Variants in DOK6 observed in about 807,000 individuals in gnomAD.
The protein encoded by DOK6 is downstream of tyrosine kinase 6.
DOK6 carries 22 observed loss-of-function variants against 44.0 expected under a neutral mutation model. The observed-to-expected ratio is 0.50, with a 90% CI of 0.36 to 0.71. DOK6 has a LOEUF of 0.71. DOK6 is among the 30% of genes least tolerant of loss of function. The pLI is 0.00. For synonymous variants in DOK6, 166 were observed against 145.5 expected, an observed-to-expected ratio of 1.14 and a Z score of -1.01; for missense variants, 340 against 416.4, an observed-to-expected ratio of 0.82 and a Z score of 1.60.
At chr18:69,792,616 A>G (rs1020153153) in intron 7 of DOK6, among the ~76,000 whole-genome samples, 1 of 152,100 alleles carries the variant, frequency 6.6e-6, no homozygotes, top group East Asian at 1.9e-4. Context: ...ATATTAGATT[A>G]TATCATCTGC....
At chr18:69,510,601 T>C (rs144696496) in intron 1 of DOK6, among the ~76,000 whole-genome samples, 88 of 152,322 alleles carry the variant, frequency 5.8e-4, no homozygotes, top group Non-Finnish European at 1.1e-3. Flanking sequence ...CATTGTGTCA[T>C]GTCCAAAATG....
rs1298212644 is a variant in DOK6 at position 69,844,559 on chromosome 18, A to C, written c.*3176A>C. 2 of 152,066 alleles carry C rather than the reference A, an allele frequency of 1.3e-5. No homozygotes were observed. Among genetic ancestry groups the C allele is most frequent in the Admixed American group, 6.6e-5 (1 of 15,248 alleles). The allele number at this position is 152,066 out of a possible 1,614,324, so 9.4% of individuals were successfully genotyped here. A position where few individuals can be genotyped will look rare whatever the true frequency, so the allele number is the denominator to read the frequency against. ...AACAACCTTGATCCAATAGTTTCCTATTCTGGGGGGTGGGGGCAGAGGCGG... is the reference window on the plus strand; with the variant it reads ...AACAACCTTGATCCAATAGTTTCCTCTTCTGGGGGGTGGGGGCAGAGGCGG... On this transcript the variant is annotated 3_prime_UTR_variant, in exon 8 of 8. Coordinates refer to ENST00000382713, the MANE Select transcript of DOK6 (RefSeq NM_152721.6).
intron 4 of DOK6, among the ~76,000 whole-genome samples, chr18:69,690,075 A>G (rs147600219): frequency 3.0e-4 from 46 of 152,254 alleles, no homozygotes; most frequent in African/African-American, 9.6e-4. Flanking sequence ...ATAATTTTCC[A>G]TATTTGCTGC....
chr18:69,442,877 G>C (rs777299991), intron 1 of DOK6, among the ~76,000 whole-genome samples: 4 of 152,112 alleles, frequency 2.6e-5, no homozygotes, highest in Admixed American at 6.5e-5. Context: ...TTACTGGGAG[G>C]TGCATAAGAT....
chr18:69,667,292 T>A (rs954531877), intron 3 of DOK6, among the ~76,000 whole-genome samples: 2 of 152,192 alleles, frequency 1.3e-5, no homozygotes, highest in African/African-American at 2.4e-5. Flanking sequence ...GATATTTCTC[T>A]TCTTGACCTA....
At chr18:69,786,598 A>G (rs117930868) in intron 7 of DOK6, among the ~76,000 whole-genome samples, 1 of 152,330 alleles carries the variant, frequency 6.6e-6, no homozygotes, top group East Asian at 1.9e-4. Context: ...ATTTCCTACT[A>G]GTAGCAAGTG....
intron 1 of DOK6, among the ~76,000 whole-genome samples, chr18:69,483,160 T>C (rs1980477191): frequency 6.6e-6 from 1 of 152,042 alleles, no homozygotes; most frequent in African/African-American, 2.4e-5. Flanking sequence ...GTTCCTGTGT[T>C]AGTTTGCCAA....
At chr18:69,459,763 G>A (rs374450865) in intron 1 of DOK6, among the ~76,000 whole-genome samples, 13 of 152,154 alleles carry the variant, frequency 8.5e-5, no homozygotes, top group African/African-American at 1.9e-4. Flanking sequence ...AAAGAAATGC[G>A]AAAGCAATAT....
chr18:69,549,095 C>CAAAA (rs370363528), intron 1 of DOK6, among the ~76,000 whole-genome samples: 38 of 132,478 alleles, frequency 2.9e-4, no homozygotes, highest in African/African-American at 4.2e-4. Flanking sequence ...GACTCCGTCT[C>CAAAA]AAAAAAAAAA....
intron 5 of DOK6, among the ~76,000 whole-genome samples, chr18:69,731,132 A>G (rs901001854): frequency 1.3e-5 from 2 of 152,148 alleles, no homozygotes; most frequent in Admixed American, 6.6e-5. Context: ...TGATCTGTCA[A>G]CTGAAAATCT....
At chr18:69,667,562 A>T (rs1232605630) in intron 3 of DOK6, among the ~76,000 whole-genome samples, 1 of 152,204 alleles carries the variant, frequency 6.6e-6, no homozygotes, top group Non-Finnish European at 1.5e-5. Context: ...TCCAGGTTGG[A>T]AAAATCTTAC....
intron 1 of DOK6, among the ~76,000 whole-genome samples, chr18:69,489,911 T>C (rs1437950201): frequency 6.6e-6 from 1 of 151,720 alleles, no homozygotes; most frequent in Non-Finnish European, 1.5e-5. Context: ...TGAATAGTTT[T>C]TGGAGACAAA....
intron 7 of DOK6, among the ~76,000 whole-genome samples, chr18:69,759,468 C>CA (rs1167446890): frequency 2.0e-5 from 3 of 152,034 alleles, no homozygotes; most frequent in East Asian, 1.9e-4. Context: ...GCTCTTAATA[C>CA]AAAAAACGTG....
At chr18:69,786,958 G>A (rs1187514045) in intron 7 of DOK6, among the ~76,000 whole-genome samples, 1 of 152,228 alleles carries the variant, frequency 6.6e-6, no homozygotes, top group Admixed American at 6.5e-5. Context: ...GCTCACGCCT[G>A]TAATCCCAGC....
chr18:69,675,936 T>C (rs1985912208), intron 3 of DOK6, among the ~76,000 whole-genome samples: 1 of 152,226 alleles, frequency 6.6e-6, no homozygotes, highest in African/African-American at 2.4e-5. Flanking sequence ...TTTTGTTTTT[T>C]GTTTTTTGTT....
At chr18:69,798,674 T>C (rs1368835252) in intron 7 of DOK6, among the ~76,000 whole-genome samples, 1 of 151,982 alleles carries the variant, frequency 6.6e-6, no homozygotes, top group Admixed American at 6.6e-5. Context: ...TTTTGTTTTC[T>C]GTTTTATGTT....
In DOK6 at chr18:69,621,484, T is replaced by C. The variant is rs180754920; in HGVS notation, c.289+21986T>C. ...TAGGAATGTATATATTTTGCTGTTT[T>C]GTTTTGCCAAATGTATATGAGGAAA... On this transcript the variant is annotated intron_variant, in intron 3 of 7. Coordinates refer to ENST00000382713, the MANE Select transcript of DOK6 (RefSeq NM_152721.6). 2.8e-3 allele frequency among the ~76,000 whole-genome samples: 427 copies of C among 152,338 alleles called. 2 individuals carry two copies. The highest frequency in any genetic ancestry group is 6.8e-3 in the Middle Eastern group (2 of 294).
chr18:69,508,564 C>T (rs924340927), intron 1 of DOK6, among the ~76,000 whole-genome samples: 5 of 152,066 alleles, frequency 3.3e-5, no homozygotes, highest in Non-Finnish European at 7.4e-5. Context: ...GGTCACATTA[C>T]AGAAACAATT....
At chr18:69,440,622 C>A (rs1354022307) in intron 1 of DOK6, among the ~76,000 whole-genome samples, 2 of 152,030 alleles carry the variant, frequency 1.3e-5, no homozygotes, top group South Asian at 2.1e-4. Flanking sequence ...TTCACTGAGA[C>A]CCTTGTAGAC....
Sources: allele counts gnomAD v4.1 joint callset (sites outside exome capture counted in the v4.1 genomes callset), GRCh38; gene constraint gnomAD v4.1.1; transcripts MANE v1.5; gene names NCBI Gene and HGNC (gene_info 2026-07-23, HGNC 2026-07-21).